CBX2: variants seen among roughly 807,000 people sequenced by gnomAD.
CBX2 encodes chromobox 2, also known as chromobox protein homolog 2.
Under a neutral mutation model 21.0 loss-of-function variants are expected in CBX2, and 11 were observed. The ratio of observed to expected loss-of-function variants is 0.52; its 90% CI spans 0.33 to 0.87. The LOEUF is 0.87. Among genes scored for constraint, CBX2 ranks in the 40% least tolerant of loss-of-function variants. CBX2 has a pLI of 0.02. For synonymous variants in CBX2, 364 were observed against 304.6 expected, an observed-to-expected ratio of 1.19 and a Z score of -2.03; for missense variants, 746 against 724.3, an observed-to-expected ratio of 1.03 and a Z score of -0.34.
chr17:79,781,629 A>G lies in CBX2; in HGVS notation c.183-67A>G, dbSNP rs181291524. Reference sequence around the variant, plus strand: ...ACAGGAATAGGGTGCTGGAAGCCATAGAGTCCCACATGGTAGAAGGGGTAC... The same window carrying G: ...ACAGGAATAGGGTGCTGGAAGCCATGGAGTCCCACATGGTAGAAGGGGTAC... On this transcript the variant is annotated intron_variant, in intron 3 of 4. Coordinates refer to ENST00000310942, the MANE Select transcript of CBX2 (RefSeq NM_005189.3). 115 of 1,360,944 alleles carry G rather than the reference A, an allele frequency of 8.5e-5. No individual in the cohort carries two copies. In the East Asian group the frequency reaches 1.9e-3, roughly 23 times the overall value. The allele number at this position is 1,360,944 out of a possible 1,614,324, so 84.3% of individuals were successfully genotyped here.
In CBX2 at chr17:79,778,399, C is replaced by T; in HGVS notation, c.88C>T (p.Leu30=). 1 of 1,577,964 alleles carries T rather than the reference C, an allele frequency of 6.3e-7. No individual in the cohort carries two copies. The highest frequency in any genetic ancestry group is 8.6e-7 in the Non-Finnish European group (1 of 1,167,552). Residue 30 remains leucine, a synonymous_variant, in exon 2 of 5, where the codon CTG becomes TTG. Coordinates refer to ENST00000310942, the MANE Select transcript of CBX2 (RefSeq NM_005189.3). The surrounding 1 kb of genome is among the most constrained non-coding windows in gnomAD (Gnocchi z 4.8). The stretch of plus-strand genomic sequence containing the variant: ...CTCCCCGCAGGGCAAGCTGGAGTAC[C>T]TGGTCAAGTGGCGCGGCTGGTCCTC... ...KRLRKGKLEY[L]VKWRGWSSKH... is the part of the protein sequence containing the mutation.
chr17:79,781,968 TCTG>T lies in CBX2; in HGVS notation c.288+172_288+174del, dbSNP rs782363705. 4 of 1,614,028 alleles carry T rather than the reference TCTG, an allele frequency of 2.5e-6. No homozygotes were observed. In the African/African-American group the frequency reaches 4.0e-5, roughly 16 times the overall value. On this transcript the variant is annotated intron_variant, in intron 4 of 4. Coordinates refer to ENST00000310942, the MANE Select transcript of CBX2 (RefSeq NM_005189.3). The stretch of plus-strand genomic sequence containing the variant: ...CCCCCTTTCTTCCTGTCTCTCAGCT[TCTG>T]CTGCCAGGGGCCCCAGCCGGCTGAG...
intron 4 of CBX2, chr17:79,782,291 CCTTGGAGGAGG>C (rs782402653): frequency 2.9e-4 from 451 of 1,531,386 alleles, no homozygotes; most frequent in Non-Finnish European, 3.7e-4. Flanking sequence ...CCAGGAGGGG[CCTTGGAGGAGG>C]GCAGAGGCAG....
chr17:79,782,187 C>T, intron 4 of CBX2: 1 of 1,612,106 alleles, frequency 6.2e-7, no homozygotes, highest in South Asian at 1.1e-5. Context: ...GACTCAAAAG[C>T]CTAAGATTTG....
chr17:79,779,223 T>G, intron 2 of CBX2, 139 bp from the exon 3 acceptor site: 1 of 818,102 alleles, frequency 1.2e-6, no homozygotes, highest in Non-Finnish European at 2.1e-6. Context: ...GGTTTGGACT[T>G]TGAGAAGTGC....
Position 79,784,522 on chromosome 17 carries a change from G to A in CBX2, c.1079G>A (p.Ser360Asn), listed in dbSNP as rs782154150. The change falls in exon 5 of 5, where the codon AGT (serine) becomes AAT (asparagine). Residue 360 changes from serine (S) to asparagine (N), a missense_variant. Transcript: ENST00000310942. This position sits in a 1 kb window ranked among gnomAD's most constrained non-coding sequence, Gnocchi z 5.9. ...AGCCTCCAGGTCTTGGACTTGCAGAGTGTCAAGAATGGCATGCCCGGGGTG... is the reference window on the plus strand; with the variant it reads ...AGCCTCCAGGTCTTGGACTTGCAGAATGTCAAGAATGGCATGCCCGGGGTG... ...ELSLQVLDLQ[S>N]VKNGMPGVGL... The A allele has an allele frequency of 6.2e-7, 1 of 1,612,548 alleles. No homozygotes were observed. The highest frequency in any genetic ancestry group is 8.5e-7 in the Non-Finnish European group (1 of 1,179,906).
chr17:79,783,409 T>C (rs1312582734), intron 4 of CBX2, among the ~76,000 whole-genome samples: 1 of 144,932 alleles, frequency 6.9e-6, no homozygotes, highest in African/African-American at 2.7e-5. Context: ...TTCTCCTTTA[T>C]CTTTTTTTTT....
intron 4 of CBX2, among the ~76,000 whole-genome samples, chr17:79,783,320 T>C (rs1261877319): frequency 2.6e-5 from 4 of 152,150 alleles, no homozygotes; most frequent in Non-Finnish European, 5.9e-5. Context: ...CAGGAGTTGA[T>C]GGCTGCAAGG....
In CBX2 at chr17:79,783,732, G is replaced by A. The variant is rs1381893749; in HGVS notation, c.289G>A (p.Glu97Lys). The change falls in exon 5 of 5, where the codon GAA becomes AAA. Residue 97 changes from glutamate to lysine, a missense_variant and splice_region_variant. Coordinates refer to ENST00000310942, the MANE Select transcript of CBX2 (RefSeq NM_005189.3). Reference protein sequence around the residue: ...SSCSRRSKLKEPDAPSKSKSS... With the variant: ...SSCSRRSKLKKPDAPSKSKSS... Reference sequence around the variant, plus strand: ...GCCAACTTCTCCTTTATCTTTCCAGGAACCCGATGCTCCCTCCAAATCCAA... The same window carrying A: ...GCCAACTTCTCCTTTATCTTTCCAGAAACCCGATGCTCCCTCCAAATCCAA... 6.4e-7 allele frequency: 1 copy of A among 1,551,708 alleles called. No individual in the cohort carries two copies. The highest frequency in any genetic ancestry group is 8.7e-7 in the Non-Finnish European group (1 of 1,147,030).
chr17:79,782,411 T>G (rs1907296704), intron 4 of CBX2: 3 of 1,339,508 alleles, frequency 2.2e-6, no homozygotes, highest in Non-Finnish European at 2.9e-6. Flanking sequence ...CATGCGCCCC[T>G]GGGGTCCGTG....
At chr17:79,782,554 C>A in intron 4 of CBX2, 1 of 1,033,544 alleles carries the variant, frequency 9.7e-7, no homozygotes, top group Non-Finnish European at 1.2e-6. Flanking sequence ...GTTGTGGCCA[C>A]GAGCTCAGTC....
rs893854064 is a variant in CBX2, at chr17:79,780,848, G to A, written c.183-848G>A. Among the ~76,000 whole-genome samples the A allele has an allele frequency of 6.6e-5, 10 of 152,306 alleles. 1 individual carries two copies. The Middle Eastern group carries it at 0.017, about 259-fold the overall frequency. On this transcript the variant is annotated intron_variant, in intron 3 of 4. Transcript: ENST00000310942. ...CATGCAACACTTCATTGTCCTTTTA[G>A]GAGATTTCAGGTTAAGGACCAGCAC...
rs782166784 is a variant in CBX2, at chr17:79,784,202, G to A, written c.759G>A (p.Gln253=). 6.2e-7 allele frequency: 1 copy of A among 1,612,804 alleles called. No homozygotes were observed. The highest frequency in any genetic ancestry group is 8.5e-7 in the Non-Finnish European group (1 of 1,179,978). ...SSPGRGGISW[Q]SSIVHYMNRM... is the part of the protein sequence containing the mutation. ...CCGGCCGGGGTGGCATCAGCTGGCAGAGCTCCATCGTGCACTACATGAACC... is the reference window on the plus strand; with the variant it reads ...CCGGCCGGGGTGGCATCAGCTGGCAAAGCTCCATCGTGCACTACATGAACC... The change falls in exon 5 of 5, where the codon CAG becomes CAA. Residue 253 remains glutamine, a synonymous_variant. Coordinates refer to ENST00000310942, the MANE Select transcript of CBX2 (RefSeq NM_005189.3). The surrounding 1 kb of genome is among the most constrained non-coding windows in gnomAD (Gnocchi z 5.9).
intron 2 of CBX2, among the ~76,000 whole-genome samples, chr17:79,779,094 A>C (rs1426312400): frequency 6.6e-6 from 1 of 152,188 alleles, no homozygotes; most frequent in Non-Finnish European, 1.5e-5. Context: ...TCTCCCAGGC[A>C]GAGACTGTGG....
chr17:79,784,965 G>A lies in CBX2; in HGVS notation c.1522G>A (p.Val508Ile), dbSNP rs781926428. 1.8e-5 allele frequency: 29 copies of A among 1,609,756 alleles called. No individual in the cohort carries two copies. The highest frequency in any genetic ancestry group is 2.2e-5 in the Non-Finnish European group (26 of 1,180,006). ...CATCGAGCACGTATTTGTCACCGAC[G>A]TCACTGCCAACCTCATCACCGTCAC... ...SLIEHVFVTD[V>I]TANLITVTVK... The change falls in exon 5 of 5, where the codon GTC becomes ATC. Residue 508 changes from valine (V) to isoleucine (I), a missense_variant. Transcript: ENST00000310942. This position sits in a 1 kb window ranked among gnomAD's most constrained non-coding sequence, Gnocchi z 5.9.
upstream of CBX2, among the ~76,000 whole-genome samples, chr17:79,777,490 C>G (rs1555829147): frequency 6.6e-6 from 1 of 152,222 alleles, no homozygotes; most frequent in Non-Finnish European, 1.5e-5. Flanking sequence ...ACTTCTTTCT[C>G]AGAGTGCTTG....
chr17:79,780,985 A>G lies in CBX2; in HGVS notation c.183-711A>G, dbSNP rs1159658165. On this transcript the variant is annotated intron_variant, in intron 3 of 4. Transcript: ENST00000310942. ...ATAATTACCAGGGCCCCTTTTCTGA[A>G]ATACAGGCTTTCCCTGGGGGCTGGA... 2.6e-5 allele frequency among the ~76,000 whole-genome samples: 4 copies of G among 151,866 alleles called. No individual in the cohort carries two copies. In the East Asian group the frequency reaches 7.8e-4, roughly 29 times the overall value.
At chr17:79,783,253 ACTGTGAGC>A (rs1390433348) in intron 4 of CBX2, among the ~76,000 whole-genome samples, 2 of 152,094 alleles carry the variant, frequency 1.3e-5, no homozygotes, top group Non-Finnish European at 2.9e-5. Context: ...CTCTCATGGA[ACTGTGAGC>A]ACGGTGAGAA....
rs1490276464 is a variant in CBX2, at chr17:79,778,495, C to G, written c.116+68C>G. 2 of 1,089,388 alleles carry G rather than the reference C, an allele frequency of 1.8e-6. No individual in the cohort carries two copies. Among genetic ancestry groups the G allele is most frequent in the African/African-American group, 1.7e-5 (1 of 60,088 alleles). 67.5% of individuals were successfully genotyped at this position (1,089,388 alleles called of 1,614,324 possible). A position where few individuals can be genotyped will look rare whatever the true frequency, so the allele number is the denominator to read the frequency against. On this transcript the variant is annotated intron_variant, in intron 2 of 4. Coordinates refer to ENST00000310942, the MANE Select transcript of CBX2 (RefSeq NM_005189.3). The surrounding 1 kb of genome is among the most constrained non-coding windows in gnomAD (Gnocchi z 4.8). ...CCGGGGGTGGGGACGTGGAGCCCCT[C>G]GGCCGCGCCGTCCGGTGGCCTGGGG...
Sources: allele counts gnomAD v4.1 joint callset (sites outside exome capture counted in the v4.1 genomes callset), GRCh38; gene constraint gnomAD v4.1.1; non-coding constraint Gnocchi (gnomAD v3.1); transcripts MANE v1.5; gene names NCBI Gene and HGNC (gene_info 2026-07-23, HGNC 2026-07-21).